Variants in WDR4 observed in about 807,000 individuals in gnomAD.
WDR4 encodes the protein WDR4 tRNA N7-guanosine methyltransferase non-catalytic subunit, also known as tRNA (guanine-N(7)-)-methyltransferase non-catalytic subunit WDR4.
WDR4 carries 47 observed loss-of-function variants against 48.6 expected under a neutral mutation model. The ratio of observed to expected loss-of-function variants is 0.97; its 90% CI spans 0.77 to 1.23. The LOEUF is 1.23. WDR4 is among the 50% of genes most tolerant of loss of function. The pLI is 0.00. For missense variants in WDR4, 606 were observed against 551.6 expected (o/e 1.10, Z -0.99); for synonymous variants, 268 against 230.0 (o/e 1.17, Z -1.49).
intron 5 of WDR4, among the ~76,000 whole-genome samples, chr21:42,860,317 C>A (rs777735701): frequency 2.6e-5 from 4 of 152,210 alleles, no homozygotes; most frequent in Non-Finnish European, 5.9e-5. Flanking sequence ...GAGGGGTTGG[C>A]CTGCAAGCAC....
At chr21:42,891,303 G>A in the WDR4 span, among the ~76,000 whole-genome samples, 1 of 151,424 alleles carries the variant, frequency 6.6e-6, no homozygotes, top group Non-Finnish European at 1.5e-5. Context: ...ACTCTAGCCT[G>A]GGCAACAGAG....
chr21:42,863,619 C>A, intron 3 of WDR4, 23 bp from the exon 4 acceptor site: 1 of 1,605,148 alleles, frequency 6.2e-7, no homozygotes, highest in Non-Finnish European at 8.5e-7. Context: ...AAAGACACCC[C>A]CATTAGCTTC....
At chr21:42,846,555 G>A (rs1311131626), downstream of WDR4, among the ~76,000 whole-genome samples, 1 of 152,210 alleles carries the variant, frequency 6.6e-6, no homozygotes, top group African/African-American at 2.4e-5. Flanking sequence ...TAATCAAAAT[G>A]AAGAAAGACG....
chr21:42,859,596 C>T (rs377664111), intron 6 of WDR4, 66 bp downstream of exon 6: 39 of 467,794 alleles, frequency 8.3e-5, no homozygotes, highest in African/African-American at 2.3e-4. Flanking sequence ...GTCCAGGAGG[C>T]GCCCACCCCA....
At chr21:42,887,354 G>C in the WDR4 span, among the ~76,000 whole-genome samples, 1 of 148,982 alleles carries the variant, frequency 6.7e-6, no homozygotes, top group Middle Eastern at 3.6e-3. Context: ...GCCCAATCTG[G>C]TCTCAAACTC....
chr21:42,889,381 TC>T, the WDR4 span, among the ~76,000 whole-genome samples: 2 of 152,196 alleles, frequency 1.3e-5, no homozygotes, highest in Non-Finnish European at 2.9e-5. Flanking sequence ...GAGACATTTT[TC>T]CCCACTCAAA....
intron 3 of WDR4, among the ~76,000 whole-genome samples, chr21:42,872,950 A>G (rs1299296103): frequency 6.6e-6 from 1 of 152,168 alleles, no homozygotes. Context: ...AAAAATAAAA[A>G]AGGAGGAATA....
intron 10 of WDR4, among the ~76,000 whole-genome samples, chr21:42,851,828 C>T (rs1381457135): frequency 6.6e-6 from 1 of 152,204 alleles, no homozygotes; most frequent in African/African-American, 2.4e-5. Flanking sequence ...CCCGGGGCCT[C>T]TGGCTAGACC....
In WDR4 at chr21:42,849,544, C is replaced by T. The variant is rs2156314; in HGVS notation, c.*505G>A. On this transcript the variant is annotated 3_prime_UTR_variant, in exon 11 of 11. Transcript: ENST00000398208. ...GAGCAGCTCCTGAGCACAAGGGCTACGGCTGGGGCTGGGGCAGGCTCAAGC... is the reference window on the plus strand; with the variant it reads ...GAGCAGCTCCTGAGCACAAGGGCTATGGCTGGGGCTGGGGCAGGCTCAAGC... The T allele has an allele frequency of 0.43, 66,518 of 153,262 alleles. 15,961 individuals are homozygous for T. Among genetic ancestry groups the T allele is most frequent in the East Asian group, 0.66 (3,412 of 5,180 alleles). 9.5% of individuals were successfully genotyped at this position (153,262 alleles called of 1,614,324 possible). A position where few individuals can be genotyped will look rare whatever the true frequency, so the allele number is the denominator to read the frequency against.
rs574937344 is a variant in WDR4 at position 42,862,674 on chromosome 21, C to T, written c.454-280G>A. 6.6e-5 allele frequency among the ~76,000 whole-genome samples: 10 copies of T among 152,272 alleles called. No individual in the cohort carries two copies. Among genetic ancestry groups the T allele is most frequent in the African/African-American group, 1.9e-4 (8 of 41,548 alleles). ...GTGCCACCCCTGCCTGCCTGTCTCC[C>T]GCACCTTGGCAAATCCAGGCCCCAC... On this transcript the variant is annotated intron_variant, in intron 4 of 10. Coordinates refer to ENST00000398208, the MANE Select transcript of WDR4 (RefSeq NM_018669.6). This position sits in a 1 kb window ranked among gnomAD's most constrained non-coding sequence, Gnocchi z 4.3.
chr21:42,877,853 G>A, intron 1 of WDR4, among the ~76,000 whole-genome samples: 1 of 151,982 alleles, frequency 6.6e-6, no homozygotes, highest in East Asian at 1.9e-4. Flanking sequence ...GACCAGCCTG[G>A]CTAACACAGT....
At chr21:42,891,094 A>G in the WDR4 span, among the ~76,000 whole-genome samples, 4 of 152,130 alleles carry the variant, frequency 2.6e-5, no homozygotes, top group Non-Finnish European at 4.4e-5. Flanking sequence ...AGGCCGATGC[A>G]GGCAGATCAC....
rs367692320 is a variant in WDR4 at position 42,863,393 on chromosome 21, G to A, written c.453+47C>T. On this transcript the variant is annotated intron_variant, in intron 4 of 10. Coordinates refer to ENST00000398208, the MANE Select transcript of WDR4 (RefSeq NM_018669.6). The stretch of plus-strand genomic sequence containing the variant: ...CCACGTGCCACGTCCCCCATGTACC[G>A]TGTCCCACACCTGCCATGTCCCCCA... The A allele has an allele frequency of 3.9e-5, 62 of 1,573,242 alleles. No individual in the cohort carries two copies. In the African/African-American group the frequency reaches 4.1e-4, roughly 10 times the overall value.
In WDR4 at chr21:42,849,878, T is replaced by C; in HGVS notation, c.*171A>G. 2 of 775,818 alleles carry C rather than the reference T, an allele frequency of 2.6e-6. No individual in the cohort carries two copies. Among genetic ancestry groups the C allele is most frequent in the Non-Finnish European group, 4.0e-6 (2 of 500,266 alleles). 48.1% of individuals were successfully genotyped at this position (775,818 alleles called of 1,614,324 possible). A position where few individuals can be genotyped will look rare whatever the true frequency, so the allele number is the denominator to read the frequency against. The stretch of plus-strand genomic sequence containing the variant: ...GGGGCACAGGCACCCAGCAAGAGCC[T>C]GTGCTGGTGACACAGAATGTTCTTT... On this transcript the variant is annotated 3_prime_UTR_variant, in exon 11 of 11. Coordinates refer to ENST00000398208, the MANE Select transcript of WDR4 (RefSeq NM_018669.6).
chr21:42,863,674 C>T (rs945916641), intron 3 of WDR4, 78 bp from the exon 4 acceptor site: 43 of 1,482,504 alleles, frequency 2.9e-5, no homozygotes, highest in African/African-American at 1.7e-4. Flanking sequence ...GCCACGTGGG[C>T]GGTGGCAGGC....
chr21:42,872,678 T>A (rs1033585924), intron 3 of WDR4, among the ~76,000 whole-genome samples: 3 of 150,908 alleles, frequency 2.0e-5, no homozygotes, highest in Non-Finnish European at 4.4e-5. Flanking sequence ...CTCACACTTG[T>A]AATCCCAGCA....
intron 3 of WDR4, among the ~76,000 whole-genome samples, chr21:42,868,959 G>GT (rs2058309954): frequency 6.6e-6 from 1 of 152,358 alleles, no homozygotes; most frequent in South Asian, 2.1e-4. Context: ...TGCAAACAAT[G>GT]TAACAACTCA....
At chr21:42,892,893 G>C in the WDR4 span, among the ~76,000 whole-genome samples, 2 of 152,226 alleles carry the variant, frequency 1.3e-5, no homozygotes, top group East Asian at 1.9e-4. Flanking sequence ...TCAAAACACA[G>C]AACTATCAAT....
At chr21:42,857,508 A>T (rs763177118) in intron 6 of WDR4, among the ~76,000 whole-genome samples, 1 of 152,186 alleles carries the variant, frequency 6.6e-6, no homozygotes, top group East Asian at 1.9e-4. Flanking sequence ...AAAACCTCCA[A>T]TGAGAAAGGC....
Sources: gnomAD v4.1 joint callset for allele counts (sites outside exome capture counted in the v4.1 genomes callset) on GRCh38, gnomAD v4.1.1 for gene constraint, Gnocchi (gnomAD v3.1) non-coding constraint, MANE v1.5 for transcripts, NCBI Gene and HGNC (gene_info 2026-07-23, HGNC 2026-07-21) for gene names.